The following LRRC37A2 variants were observed in gnomAD, a reference collection of about 807,000 sequenced individuals.
LRRC37A2 encodes leucine-rich repeat-containing protein 37A2.
Under a neutral mutation model 68.8 loss-of-function variants are expected in LRRC37A2, and 9 were observed. That is an observed-to-expected ratio of 0.13 (90% CI 0.08 to 0.23). LRRC37A2 has a LOEUF of 0.23. Among genes scored for constraint, LRRC37A2 ranks in the 10% least tolerant of loss-of-function variants. The probability of loss-of-function intolerance (pLI) is 1.00; values close to 1 mark genes in which losing one functional copy is unlikely to be tolerated. For synonymous variants in LRRC37A2, 63 were observed against 367.6 expected, an observed-to-expected ratio of 0.17 and a Z score of 9.48; for missense variants, 168 against 950.4, an observed-to-expected ratio of 0.18 and a Z score of 10.82.
chr17:46,885,228 A>G, the LRRC37A2 span: 1 of 292,898 alleles, frequency 3.4e-6, no homozygotes, highest in Non-Finnish European at 6.7e-6. Context: ...CTGGTCTCGA[A>G]CTCCCGACCT....
chr17:46,737,208 G>A, the LRRC37A2 span, among the ~76,000 whole-genome samples: 1 of 152,136 alleles, frequency 6.6e-6, no homozygotes, highest in African/African-American at 2.4e-5. Flanking sequence ...TGCACAAGGT[G>A]GGCACAGGTC....
the LRRC37A2 span, among the ~76,000 whole-genome samples, chr17:46,899,480 C>T: frequency 3.9e-5 from 6 of 152,060 alleles, no homozygotes; most frequent in African/African-American, 9.7e-5. Flanking sequence ...AAATGAGCCT[C>T]GAGAACATAA....
At chr17:46,902,874 G>T in the LRRC37A2 span, among the ~76,000 whole-genome samples, 1 of 152,168 alleles carries the variant, frequency 6.6e-6, no homozygotes, top group African/African-American at 2.4e-5. Flanking sequence ...GCCAGGTGTG[G>T]TTATTCCTTT....
the LRRC37A2 span, among the ~76,000 whole-genome samples, chr17:46,859,678 T>A: frequency 6.6e-6 from 1 of 152,196 alleles, no homozygotes; most frequent in Non-Finnish European, 1.5e-5. Flanking sequence ...CTATTCAGGG[T>A]CATTGTATTT....
At chr17:46,923,180 C>T in the LRRC37A2 span, 4 of 1,530,628 alleles carry the variant, frequency 2.6e-6, no homozygotes, top group Admixed American at 2.0e-5. Flanking sequence ...CCGTGGCCTG[C>T]GGGGCCGGCG....
the LRRC37A2 span, among the ~76,000 whole-genome samples, chr17:46,444,590 C>T: frequency 1.5e-5 from 1 of 65,238 alleles, no homozygotes; most frequent in Non-Finnish European, 3.0e-5. Flanking sequence ...TTAGTAGAGA[C>T]GAGGTTTCAC....
the LRRC37A2 span, chr17:46,755,534 T>C: frequency 2.8e-6 from 2 of 716,018 alleles, no homozygotes; most frequent in Middle Eastern, 2.4e-4. Context: ...GGTTGTACTG[T>C]TGGTTTGCTC....
chr17:46,635,553 A>G, the LRRC37A2 span, among the ~76,000 whole-genome samples: 1 of 98,828 alleles, frequency 1.0e-5, no homozygotes, highest in Non-Finnish European at 2.2e-5. Flanking sequence ...GACAGATACC[A>G]GAATGAACTT....
At chr17:46,966,496 C>T in the LRRC37A2 span, 4 of 676,136 alleles carry the variant, frequency 5.9e-6, no homozygotes, top group Non-Finnish European at 1.1e-5. Context: ...TACAGGTGCA[C>T]CCCACCACAC....
chr17:46,458,531 C>CTTTTT, the LRRC37A2 span, among the ~76,000 whole-genome samples: 22 of 39,920 alleles, frequency 5.5e-4, 2 homozygotes, highest in Admixed American at 7.3e-4. Context: ...TCTTCTTCTT[C>CTTTTT]TTTTTTTTTT....
the LRRC37A2 span, among the ~76,000 whole-genome samples, chr17:46,496,929 A>C: frequency 6.8e-6 from 1 of 146,888 alleles, no homozygotes; most frequent in Non-Finnish European, 1.5e-5. Flanking sequence ...AAAAAAAAAA[A>C]AATTACTTAA....
chr17:46,978,724 G>T, the LRRC37A2 span: 6 of 1,612,370 alleles, frequency 3.7e-6, no homozygotes, highest in South Asian at 6.6e-5. Flanking sequence ...CATGCTCTCG[G>T]ACTTGATGAG....
chr17:46,991,399 G>A, the LRRC37A2 span, among the ~76,000 whole-genome samples: 2 of 152,036 alleles, frequency 1.3e-5, no homozygotes, highest in South Asian at 2.1e-4. Context: ...GGCCGAGGTG[G>A]GTGGATCACC....
At chr17:46,872,305 C>T in the LRRC37A2 span, among the ~76,000 whole-genome samples, 6 of 152,150 alleles carry the variant, frequency 3.9e-5, no homozygotes, top group Non-Finnish European at 7.4e-5. Context: ...GAGCAGAGAC[C>T]GGAATCTGGA....
chr17:46,823,198 T>TATA, the LRRC37A2 span, among the ~76,000 whole-genome samples: 2 of 109,356 alleles, frequency 1.8e-5, no homozygotes, highest in African/African-American at 4.5e-5. Flanking sequence ...TTATATATAT[T>TATA]TATATATAAT....
the LRRC37A2 span, among the ~76,000 whole-genome samples, chr17:46,770,608 C>T: frequency 6.6e-6 from 1 of 152,178 alleles, no homozygotes; most frequent in African/African-American, 2.4e-5. Flanking sequence ...GACACGGCTT[C>T]CCTCCGCTCC....
the LRRC37A2 span, among the ~76,000 whole-genome samples, chr17:46,717,986 G>A: frequency 1.3e-5 from 2 of 152,154 alleles, no homozygotes; most frequent in South Asian, 4.1e-4. Flanking sequence ...ATCTACTTGG[G>A]GCTAGTGGTG....
chr17:46,987,676 T>A, the LRRC37A2 span, among the ~76,000 whole-genome samples: 1 of 151,974 alleles, frequency 6.6e-6, no homozygotes, highest in African/African-American at 2.4e-5. Context: ...TATACACACA[T>A]GCATGTTTAT....
At chr17:46,493,797 A>G in the LRRC37A2 span, among the ~76,000 whole-genome samples, 1 of 150,622 alleles carries the variant, frequency 6.6e-6, no homozygotes, top group East Asian at 1.9e-4. Context: ...TCGGCCTCCC[A>G]AAGTGCTGGG....
Sources: allele counts gnomAD v4.1 joint callset (sites outside exome capture counted in the v4.1 genomes callset), GRCh38; gene constraint gnomAD v4.1.1; transcripts MANE v1.5; gene names NCBI Gene and HGNC (gene_info 2026-07-23, HGNC 2026-07-21).